The following GCNT2 variants were observed in gnomAD, a reference collection of about 807,000 sequenced individuals.
The protein encoded by GCNT2 is glucosaminyl (N-acetyl) transferase 2 (I blood group), also known as N-acetyllactosaminide beta-1,6-N-acetylglucosaminyl-transferase.
A neutral mutation model predicts 34.2 loss-of-function variants in GCNT2; 34 were observed. That is an observed-to-expected ratio of 1.00 (90% CI 0.76 to 1.32). The LOEUF (loss-of-function observed/expected upper bound fraction) is 1.32. Among genes scored for constraint, GCNT2 ranks in the 40% most tolerant of loss-of-function variants. The pLI, the probability that GCNT2 is intolerant of heterozygous loss-of-function variation, is 0.00. For missense variants in GCNT2, 584 were observed against 489.4 expected (o/e 1.19, Z -1.82); for synonymous variants, 212 against 188.0 (o/e 1.13, Z -1.04).
At chr6:10,589,948 T>C (rs1037521030) in intron 3 of GCNT2, among the ~76,000 whole-genome samples, 1 of 152,232 alleles carries the variant, frequency 6.6e-6, no homozygotes, top group African/African-American at 2.4e-5. Context: ...TTTGTAGTAT[T>C]TTTAAAGCTA....
chr6:10,611,900 C>T (rs1016534032), intron 3 of GCNT2, among the ~76,000 whole-genome samples: 10 of 152,146 alleles, frequency 6.6e-5, no homozygotes, highest in African/African-American at 2.4e-4. Flanking sequence ...GGTATTTCCT[C>T]CACTCACATT....
intron 3 of GCNT2, among the ~76,000 whole-genome samples, chr6:10,599,899 G>T (rs1036833278): frequency 6.6e-6 from 1 of 152,172 alleles, no homozygotes; most frequent in Admixed American, 6.5e-5. Flanking sequence ...TTGAGTGGAA[G>T]ATATGAAAGA....
chr6:10,627,132 GT>G lies in GCNT2; in HGVS notation c.*528del. ...AATGGAGAATACATCTTGTTTCTGA[GT>G]TTCAACACTAGCATTTTTGGCTTAC... On this transcript the variant is annotated 3_prime_UTR_variant, in exon 5 of 5. Coordinates refer to ENST00000495262, the MANE Select transcript of GCNT2 (RefSeq NM_145649.5). The G allele has an allele frequency of 6.3e-6, 1 of 159,586 alleles. No homozygotes were observed. Among genetic ancestry groups the G allele is most frequent in the Non-Finnish European group, 1.4e-5 (1 of 71,914 alleles). 9.9% of individuals were successfully genotyped at this position (159,586 alleles called of 1,614,324 possible). A position where few individuals can be genotyped will look rare whatever the true frequency, so the allele number is the denominator to read the frequency against.
At position 10,536,706 on chromosome 6, in the gene GCNT2, CT is replaced by C. The variant is rs553671576; in HGVS notation, c.925+6885del. Among the ~76,000 whole-genome samples, 941 of 130,254 alleles carry C rather than the reference CT, an allele frequency of 7.2e-3. 2 individuals carry two copies. Among genetic ancestry groups the C allele is most frequent in the Middle Eastern group, 0.028 (6 of 212 alleles). The allele number at this position is 130,254 out of a possible 152,430, so 85.5% of individuals were successfully genotyped here. A position where few individuals can be genotyped will look rare whatever the true frequency, so the allele number is the denominator to read the frequency against. Reference sequence around the variant, plus strand: ...AGAGAGTTGGGACACCTGTGAGTTCCTTTTTTTTTTTTTTTGAGATGGAGTC... The same window carrying C: ...AGAGAGTTGGGACACCTGTGAGTTCCTTTTTTTTTTTTTTGAGATGGAGTC... On this transcript the variant is annotated intron_variant, in intron 3 of 4. Coordinates refer to ENST00000495262, the MANE Select transcript of GCNT2 (RefSeq NM_145649.5).
intron 3 of GCNT2, among the ~76,000 whole-genome samples, chr6:10,616,531 C>G (rs2127440323): frequency 6.6e-6 from 1 of 152,194 alleles, no homozygotes; most frequent in South Asian, 2.1e-4. Context: ...CTCCACCTCC[C>G]CACTAGATTA....
At chr6:10,582,219 T>TAA in intron 3 of GCNT2, among the ~76,000 whole-genome samples, 1 of 125,526 alleles carries the variant, frequency 8.0e-6, no homozygotes, top group African/African-American at 3.1e-5. Context: ...ATTATATATA[T>TAA]AATTATATAT....
At chr6:10,546,389 T>C (rs1363384786) in intron 3 of GCNT2, among the ~76,000 whole-genome samples, 1 of 152,174 alleles carries the variant, frequency 6.6e-6, no homozygotes, top group East Asian at 1.9e-4. Context: ...CCAGGCACGG[T>C]GGCTGATGAC....
intron 3 of GCNT2, chr6:10,556,663 C>T: frequency 9.3e-6 from 15 of 1,614,148 alleles, no homozygotes; most frequent in Non-Finnish European, 1.3e-5. Context: ...CCCAGAGCCA[C>T]TACATCACAG....
chr6:10,599,923 G>T (rs1456570517), intron 3 of GCNT2, among the ~76,000 whole-genome samples: 3 of 152,182 alleles, frequency 2.0e-5, no homozygotes, highest in Non-Finnish European at 4.4e-5. Context: ...AGAAACTCAG[G>T]CTCCTTCAGG....
rs1442332221 is a variant in GCNT2 at position 10,626,459 on chromosome 6, T to TA, written c.1064dup (p.Trp356ValfsTer4). 2 of 1,613,622 alleles carry TA rather than the reference T, an allele frequency of 1.2e-6. No individual in the cohort carries two copies. The highest frequency in any genetic ancestry group is 2.7e-5 in the African/African-American group (2 of 74,940). The stretch of plus-strand genomic sequence containing the variant: ...ATTTGTATCTATGGAAACGGAGACT[T>TA]AAAGTGGCTGGTTAATTCACCAAGC... On this transcript the variant is annotated frameshift_variant, in exon 5 of 5. Transcript: ENST00000495262. LOFTEE classifies it high-confidence loss of function.
chr6:10,555,089 T>C lies in GCNT2; in HGVS notation c.925+25253T>C, dbSNP rs536934859. The stretch of plus-strand genomic sequence containing the variant: ...TAGAGACTTTTCAAATGGAAGAAAA[T>C]GTGCATTAAAGGACATTCTTTCTGC... On this transcript the variant is annotated intron_variant, in intron 3 of 4. Coordinates refer to ENST00000495262, the MANE Select transcript of GCNT2 (RefSeq NM_145649.5). 3.9e-5 allele frequency among the ~76,000 whole-genome samples: 6 copies of C among 152,086 alleles called. No homozygotes were observed. The East Asian group carries it at 1.2e-3, about 29-fold the overall frequency.
intron 3 of GCNT2, among the ~76,000 whole-genome samples, chr6:10,576,578 C>T (rs1763823865): frequency 6.6e-6 from 1 of 151,848 alleles, no homozygotes; most frequent in South Asian, 2.1e-4. Context: ...GAGGAAGAAG[C>T]ATTTGAGAGT....
chr6:10,555,812 T>G, intron 3 of GCNT2: 1 of 985,410 alleles, frequency 1.0e-6, no homozygotes, highest in African/African-American at 1.7e-5. Context: ...AGATGTCACT[T>G]GTGTCACGTT....
chr6:10,534,715 TAGTC>T (rs139589501), intron 3 of GCNT2, among the ~76,000 whole-genome samples: 16,336 of 151,856 alleles, frequency 0.11, 1,214 homozygotes, highest in Non-Finnish European at 0.15. Context: ...AATCAAAAAA[TAGTC>T]AGGCGTGGTG....
intron 3 of GCNT2, among the ~76,000 whole-genome samples, chr6:10,605,984 G>A (rs1297107408): frequency 6.6e-6 from 1 of 152,068 alleles, no homozygotes; most frequent in Non-Finnish European, 1.5e-5. Flanking sequence ...TCACTTGATG[G>A]CCTCAAGGAG....
chr6:10,530,119 TG>T (rs1368316516), intron 3 of GCNT2: 5 of 331,742 alleles, frequency 1.5e-5, no homozygotes, highest in Admixed American at 8.9e-5. Flanking sequence ...CACAGCACTT[TG>T]GGAGGCGGAG....
chr6:10,526,959 A>G (rs1280633154), intron 1 of GCNT2, among the ~76,000 whole-genome samples: 1 of 151,624 alleles, frequency 6.6e-6, no homozygotes, highest in Non-Finnish European at 1.5e-5. Context: ...AAAAGAGTAA[A>G]TTAATTAATT....
At chr6:10,540,215 A>T (rs1761977537) in intron 3 of GCNT2, among the ~76,000 whole-genome samples, 1 of 152,138 alleles carries the variant, frequency 6.6e-6, no homozygotes, top group Non-Finnish European at 1.5e-5. Context: ...AGTTCTTCTT[A>T]GCAATGTCAC....
chr6:10,574,761 G>A (rs573535507), intron 3 of GCNT2: 37 of 572,086 alleles, frequency 6.5e-5, no homozygotes, highest in African/African-American at 4.1e-4. Flanking sequence ...CCATGAATTC[G>A]TAGGGAAGAG....
Sources: gnomAD v4.1 joint callset for allele counts (sites outside exome capture counted in the v4.1 genomes callset) on GRCh38, gnomAD v4.1.1 for gene constraint, MANE v1.5 for transcripts, NCBI Gene and HGNC (gene_info 2026-07-23, HGNC 2026-07-21) for gene names.